Variants in CHRM2 observed in about 807,000 individuals in gnomAD.
CHRM2 encodes the protein muscarinic acetylcholine receptor M2.
Under a neutral mutation model 25.0 loss-of-function variants are expected in CHRM2, and 8 were observed. The ratio of observed to expected loss-of-function variants is 0.32; its 90% confidence interval spans 0.19 to 0.58. CHRM2 has a LOEUF of 0.58. Among genes scored for constraint, CHRM2 ranks in the 20% least tolerant of loss-of-function variants. The pLI, the probability that CHRM2 is intolerant of heterozygous loss-of-function variation, is 0.88. For synonymous variants in CHRM2, 202 were observed against 205.7 expected (o/e 0.98, Z 0.15); for missense variants, 440 against 567.1 (o/e 0.78, Z 2.28).
At chr7:136,877,312 C>A (rs779407051) in intron 2 of CHRM2, among the ~76,000 whole-genome samples, 1 of 152,016 alleles carries the variant, frequency 6.6e-6, no homozygotes, top group Non-Finnish European at 1.5e-5. Flanking sequence ...AACCTAGATA[C>A]CTGTGTGTTT....
chr7:136,879,765 G>C (rs562200702), intron 2 of CHRM2, among the ~76,000 whole-genome samples: 45 of 151,836 alleles, frequency 3.0e-4, no homozygotes, highest in Non-Finnish European at 5.9e-4. Context: ...TTTATAAGGA[G>C]ATACCTTGGC....
intron 2 of CHRM2, among the ~76,000 whole-genome samples, chr7:136,931,548 C>G (rs910714297): frequency 6.6e-6 from 1 of 152,172 alleles, no homozygotes; most frequent in Admixed American, 6.5e-5. Context: ...GCAGATCACA[C>G]AAAGCACCAT....
In CHRM2 at chr7:136,957,535, G is replaced by A. The variant is rs538391811; in HGVS notation, c.-124-34652G>A. Among the ~76,000 whole-genome samples the A allele has an allele frequency of 2.0e-5, 3 of 151,718 alleles. No homozygotes were observed. The South Asian group carries it at 6.2e-4, about 31-fold the overall frequency. On this transcript the variant is annotated intron_variant, in intron 2 of 3. Coordinates refer to ENST00000680005, the MANE Select transcript of CHRM2 (RefSeq NM_001006630.2). Reference sequence around the variant, plus strand: ...CATCCATAAGATTATAAAAATACCAGCTTATTCTTTTTGACTATTACTCAG... The same window carrying A: ...CATCCATAAGATTATAAAAATACCAACTTATTCTTTTTGACTATTACTCAG...
At position 137,015,543 on chromosome 7, in the gene CHRM2, C is replaced by T. The variant is rs200828478; in HGVS notation, c.678C>T (p.Ala226=). The T allele has an allele frequency of 6.2e-7, 1 of 1,612,918 alleles. No individual in the cohort carries two copies. The highest frequency in any genetic ancestry group is 1.3e-5 in the African/African-American group (1 of 74,952). The change falls in exon 4 of 4, where the codon GCC becomes GCT. Residue 226 remains alanine, a synonymous_variant. Coordinates refer to ENST00000680005, the MANE Select transcript of CHRM2 (RefSeq NM_001006630.2). The surrounding 1 kb of genome is among the most constrained non-coding windows in gnomAD (Gnocchi z 5.1). ...AGAAGGACAAGAAGGAGCCTGTTGC[C>T]AACCAAGACCCCGTTTCTCCAAGTC... ...RIKKDKKEPV[A]NQDPVSPSLV...
chr7:136,930,177 A>G (rs540528597), intron 2 of CHRM2, among the ~76,000 whole-genome samples: 2 of 152,294 alleles, frequency 1.3e-5, no homozygotes, highest in South Asian at 4.1e-4. Flanking sequence ...TCACACCAGT[A>G]ATCCCAGCAC....
chr7:136,889,907 T>G (rs935611442), intron 2 of CHRM2, among the ~76,000 whole-genome samples: 5 of 152,196 alleles, frequency 3.3e-5, no homozygotes, highest in Admixed American at 2.6e-4. Flanking sequence ...TTCACAAATA[T>G]AAAGCACAGA....
rs1795711647 is a variant in CHRM2, at chr7:136,869,173, G to A, written c.-282-88G>A. 1 of 152,284 alleles carries A rather than the reference G, an allele frequency of 6.6e-6. No individual in the cohort carries two copies. Among genetic ancestry groups the A allele is most frequent in the Non-Finnish European group, 1.5e-5 (1 of 68,178 alleles). The allele number at this position is 152,284 out of a possible 1,614,324, so 9.4% of individuals were successfully genotyped here. Reference sequence around the variant, plus strand: ...CCCGCAGCTCTCGCCAGAGCCTTGGGGTCGGTTCTCTCCCGCCTCTCCCGC... The same window carrying A: ...CCCGCAGCTCTCGCCAGAGCCTTGGAGTCGGTTCTCTCCCGCCTCTCCCGC... On this transcript the variant is annotated intron_variant, in intron 1 of 3. Transcript: ENST00000680005. This position sits in a 1 kb window ranked among gnomAD's most constrained non-coding sequence, Gnocchi z 4.9.
At chr7:136,951,163 G>A (rs1349488179) in intron 2 of CHRM2, 1 of 152,102 alleles carries the variant, frequency 6.6e-6, no homozygotes, top group Admixed American at 6.6e-5. Context: ...ACTTGCATAA[G>A]ACCATGTGGA....
intron 2 of CHRM2, among the ~76,000 whole-genome samples, chr7:136,955,757 G>A (rs934722534): frequency 2.0e-5 from 3 of 152,120 alleles, no homozygotes; most frequent in Non-Finnish European, 4.4e-5. Flanking sequence ...ATGCCCTTTA[G>A]TACTAATTTT....
intron 2 of CHRM2, among the ~76,000 whole-genome samples, chr7:136,922,039 T>C (rs1337879351): frequency 1.3e-5 from 2 of 152,134 alleles, no homozygotes; most frequent in Non-Finnish European, 2.9e-5. Flanking sequence ...AGTGCTGGGA[T>C]TACAGGCATA....
At chr7:136,921,459 C>A (rs1267334261) in intron 2 of CHRM2, among the ~76,000 whole-genome samples, 1 of 152,134 alleles carries the variant, frequency 6.6e-6, no homozygotes, top group Non-Finnish European at 1.5e-5. Flanking sequence ...TTCAAGTTGA[C>A]AGCTCCCCAT....
chr7:136,955,596 C>T (rs1425178350), intron 2 of CHRM2, among the ~76,000 whole-genome samples: 1 of 152,116 alleles, frequency 6.6e-6, no homozygotes, highest in Non-Finnish European at 1.5e-5. Flanking sequence ...AAAGGAATGT[C>T]CTGGCCTTTG....
At chr7:137,012,227 C>A (rs1185313616) in intron 3 of CHRM2, among the ~76,000 whole-genome samples, 1 of 152,020 alleles carries the variant, frequency 6.6e-6, no homozygotes, top group African/African-American at 2.4e-5. Context: ...AGAGAAAATG[C>A]TGCTTATAAG....
chr7:136,976,674 G>A (rs1802126712), intron 2 of CHRM2, among the ~76,000 whole-genome samples: 1 of 152,168 alleles, frequency 6.6e-6, no homozygotes, highest in Non-Finnish European at 1.5e-5. Context: ...CTGAGCTTTT[G>A]AGGGACTAGA....
At chr7:136,986,735 C>T (rs1010520896) in intron 2 of CHRM2, among the ~76,000 whole-genome samples, 3 of 152,052 alleles carry the variant, frequency 2.0e-5, no homozygotes, top group Non-Finnish European at 4.4e-5. Context: ...TGGGGCAAGC[C>T]GTATTCCTAA....
At chr7:136,943,505 T>C (rs897250657) in intron 2 of CHRM2, among the ~76,000 whole-genome samples, 2 of 152,210 alleles carry the variant, frequency 1.3e-5, no homozygotes, top group African/African-American at 2.4e-5. Context: ...ATATGAGTTA[T>C]ATAATTATGT....
intron 2 of CHRM2, among the ~76,000 whole-genome samples, chr7:136,974,326 A>T (rs1202499845): frequency 2.0e-5 from 3 of 152,188 alleles, no homozygotes; most frequent in Non-Finnish European, 4.4e-5. Context: ...AGCAGAGGAG[A>T]CACAGTGCTT....
intron 2 of CHRM2, among the ~76,000 whole-genome samples, chr7:136,917,805 T>C (rs1273173248): frequency 6.6e-6 from 1 of 152,014 alleles, no homozygotes; most frequent in Non-Finnish European, 1.5e-5. Flanking sequence ...GCCAATAGGC[T>C]TATTGGGTAG....
chr7:137,012,112 T>C (rs1804864190), intron 3 of CHRM2, among the ~76,000 whole-genome samples: 1 of 152,072 alleles, frequency 6.6e-6, no homozygotes, highest in Non-Finnish European at 1.5e-5. Context: ...AGTCAATACA[T>C]TCATTTTTTG....
Sources: allele counts gnomAD v4.1 joint callset (sites outside exome capture counted in the v4.1 genomes callset), GRCh38; gene constraint gnomAD v4.1.1; non-coding constraint Gnocchi (gnomAD v3.1); transcripts MANE v1.5; gene names NCBI Gene and HGNC (gene_info 2026-07-23, HGNC 2026-07-21).